UBE2G1: variants seen among roughly 807,000 people sequenced by gnomAD.
UBE2G1 encodes the protein ubiquitin conjugating enzyme E2 G1.
Under a neutral mutation model 22.7 loss-of-function variants are expected in UBE2G1, and 5 were observed. That is an observed-to-expected ratio of 0.22 (90% CI 0.12 to 0.46). UBE2G1 has a LOEUF of 0.46. UBE2G1 is among the 20% of genes least tolerant of loss of function. The probability of loss-of-function intolerance (pLI) is 0.99; values close to 1 mark genes in which losing one functional copy is unlikely to be tolerated. For synonymous variants in UBE2G1, 74 were observed against 67.5 expected (o/e 1.10, Z -0.47); for missense variants, 88 against 203.9 (o/e 0.43, Z 3.46).
chr17:4,290,564 C>A (rs546726673), intron 3 of UBE2G1, among the ~76,000 whole-genome samples: 1 of 152,114 alleles, frequency 6.6e-6, no homozygotes, highest in African/African-American at 2.4e-5. Flanking sequence ...CTTGACCTCC[C>A]AGGCTCAAAC....
chr17:4,347,285 T>C (rs1331220969), intron 1 of UBE2G1, among the ~76,000 whole-genome samples: 1 of 152,108 alleles, frequency 6.6e-6, no homozygotes, highest in Non-Finnish European at 1.5e-5. Flanking sequence ...GTAACCCAAG[T>C]CTATTAAACA....
chr17:4,295,251 A>C (rs1481268280), intron 3 of UBE2G1, among the ~76,000 whole-genome samples: 2 of 152,272 alleles, frequency 1.3e-5, no homozygotes, highest in African/African-American at 4.8e-5. Context: ...TGCCCGCATC[A>C]TGCAGGAATA....
intron 4 of UBE2G1, 124 bp downstream of exon 4, chr17:4,289,104 GAT>G: frequency 2.0e-6 from 1 of 501,032 alleles, no homozygotes; most frequent in South Asian, 1.0e-4. Context: ...TATGGGAAGA[GAT>G]ACACACACAC....
At chr17:4,349,389 G>A (rs11654774) in intron 1 of UBE2G1, among the ~76,000 whole-genome samples, 1,951 of 152,152 alleles carry the variant, frequency 0.013, 18 homozygotes, top group Non-Finnish European at 0.02. Context: ...AATTACTTTG[G>A]ATCACCTGCC....
intron 4 of UBE2G1, among the ~76,000 whole-genome samples, chr17:4,285,993 G>C (rs1217221860): frequency 6.6e-6 from 1 of 151,878 alleles, no homozygotes; most frequent in Non-Finnish European, 1.5e-5. Context: ...AGGGACCCAG[G>C]AGAGAGGTGG....
At chr17:4,310,593 C>G (rs1212523854) in intron 1 of UBE2G1, among the ~76,000 whole-genome samples, 2 of 152,050 alleles carry the variant, frequency 1.3e-5, no homozygotes, top group Non-Finnish European at 2.9e-5. Flanking sequence ...CAGCAAAGGG[C>G]CTTTGTAAGC....
intron 1 of UBE2G1, among the ~76,000 whole-genome samples, chr17:4,346,441 T>C (rs1251926112): frequency 4.7e-5 from 7 of 149,200 alleles, no homozygotes; most frequent in African/African-American, 4.9e-5. Flanking sequence ...CTTTTTTTTT[T>C]TTTTTTTTTT....
rs373658787 is a variant in UBE2G1, at chr17:4,301,642, G to GTTTTA, written c.150-4833_150-4829dup. On this transcript the variant is annotated intron_variant, in intron 2 of 5. Coordinates refer to ENST00000396981, the MANE Select transcript of UBE2G1 (RefSeq NM_003342.5). ...TGATGGGGCACAATTACTTTTAGCT[G>GTTTTA]TTTTATTTGCACTGGACAGGTTGTT... 1.5e-3 allele frequency: 1,313 copies of GTTTTA among 864,380 alleles called. 8 individuals are homozygous for GTTTTA. In the African/African-American group the frequency reaches 0.019, roughly 13 times the overall value. The allele number at this position is 864,380 out of a possible 1,614,324, so 53.5% of individuals were successfully genotyped here.
chr17:4,343,944 GCAACAGATA>G (rs1969740292), intron 1 of UBE2G1, among the ~76,000 whole-genome samples: 1 of 152,056 alleles, frequency 6.6e-6, no homozygotes, highest in African/African-American at 2.4e-5. Flanking sequence ...CTCCTCAGTT[GCAACAGATA>G]CAAACTCTGG....
chr17:4,348,553 A>G (rs1171052602), intron 1 of UBE2G1, among the ~76,000 whole-genome samples: 1 of 118,348 alleles, frequency 8.4e-6, no homozygotes. Context: ...ACTCCGTCTC[A>G]AAAAAAAAAA....
At chr17:4,345,657 G>C (rs1170470853) in intron 1 of UBE2G1, 1 of 152,158 alleles carries the variant, frequency 6.6e-6, no homozygotes, top group Admixed American at 6.6e-5. Flanking sequence ...ATAGTAACGA[G>C]AGATATCTGG....
chr17:4,290,375 A>T (rs1182950121), intron 3 of UBE2G1, among the ~76,000 whole-genome samples: 6 of 152,230 alleles, frequency 3.9e-5, no homozygotes. Context: ...TTCTGCTGTT[A>T]TGAACTCTGG....
intron 1 of UBE2G1, among the ~76,000 whole-genome samples, chr17:4,313,456 G>A (rs1438241395): frequency 6.6e-6 from 1 of 152,146 alleles, no homozygotes; most frequent in Non-Finnish European, 1.5e-5. Flanking sequence ...GAATGCCAAA[G>A]ATGAAGATAA....
intron 5 of UBE2G1, among the ~76,000 whole-genome samples, chr17:4,274,004 G>A (rs1420365174): frequency 4.0e-5 from 6 of 148,716 alleles, no homozygotes; most frequent in Non-Finnish European, 8.9e-5. Flanking sequence ...TTTTTTTTTT[G>A]AGACGGAGTC....
intron 1 of UBE2G1, among the ~76,000 whole-genome samples, chr17:4,329,727 A>G (rs1232239188): frequency 6.6e-6 from 1 of 152,038 alleles, no homozygotes; most frequent in Non-Finnish European, 1.5e-5. Context: ...ATACTGATGT[A>G]TTTTTTGTAA....
At chr17:4,311,451 A>G (rs1969309068) in intron 1 of UBE2G1, among the ~76,000 whole-genome samples, 1 of 152,244 alleles carries the variant, frequency 6.6e-6, no homozygotes, top group African/African-American at 2.4e-5. Flanking sequence ...TATACATACA[A>G]TGAAATACTA....
At chr17:4,345,520 T>C (rs1969758170) in intron 1 of UBE2G1, 1 of 152,188 alleles carries the variant, frequency 6.6e-6, no homozygotes, top group African/African-American at 2.4e-5. Flanking sequence ...CCTTTAAAAC[T>C]TTAAAAATCA....
intron 1 of UBE2G1, among the ~76,000 whole-genome samples, chr17:4,328,233 C>T (rs1224035700): frequency 6.6e-6 from 1 of 152,106 alleles, no homozygotes; most frequent in Non-Finnish European, 1.5e-5. Flanking sequence ...ATATATTAAG[C>T]TAAACTAGTC....
chr17:4,326,560 T>C (rs890554173), intron 1 of UBE2G1, among the ~76,000 whole-genome samples: 7 of 152,314 alleles, frequency 4.6e-5, no homozygotes, highest in Admixed American at 6.5e-5. Flanking sequence ...AATTACCATA[T>C]GATCCAGCAA....
Sources: allele counts gnomAD v4.1 joint callset (sites outside exome capture counted in the v4.1 genomes callset), GRCh38; gene constraint gnomAD v4.1.1; transcripts MANE v1.5; gene names NCBI Gene and HGNC (gene_info 2026-07-23, HGNC 2026-07-21).